Variants in EPB41L3 observed in about 807,000 individuals in gnomAD.
EPB41L3 encodes the protein erythrocyte membrane protein band 4.1 like 3.
EPB41L3 carries 57 observed loss-of-function variants against 127.1 expected under a neutral mutation model. The ratio of observed to expected loss-of-function variants is 0.45; its 90% CI spans 0.36 to 0.56. EPB41L3 has a LOEUF of 0.56. EPB41L3 is among the 20% of genes least tolerant of loss of function. The pLI is 0.00. For missense variants in EPB41L3, 1,273 were observed against 1,372.2 expected (o/e 0.93, Z 1.14); for synonymous variants, 572 against 549.5 (o/e 1.04, Z -0.57).
At chr18:5,534,443 C>T (rs897133991) in intron 1 of EPB41L3, among the ~76,000 whole-genome samples, 32 of 152,162 alleles carry the variant, frequency 2.1e-4, no homozygotes, top group Non-Finnish European at 5.9e-5. Context: ...GATCCAACTG[C>T]AGATCTATTA....
At chr18:5,479,175 T>C (rs1382689574) in intron 2 of EPB41L3, among the ~76,000 whole-genome samples, 1 of 152,194 alleles carries the variant, frequency 6.6e-6, no homozygotes, top group East Asian at 1.9e-4. Flanking sequence ...ACCAATCTCT[T>C]TGGAAATGTG....
At chr18:5,619,263 G>A (rs564568340) in intron 1 of EPB41L3, among the ~76,000 whole-genome samples, 5 of 152,286 alleles carry the variant, frequency 3.3e-5, no homozygotes. Context: ...TGAACACAGT[G>A]CAACTTGTTC....
At chr18:5,550,168 G>A (rs1719964) in intron 3 of EPB41L3, among the ~76,000 whole-genome samples, 35,787 of 151,988 alleles carry the variant, frequency 0.24, 5,775 homozygotes, top group African/African-American at 0.46. Flanking sequence ...ACTAATTGCC[G>A]GCAGTTTTAG....
chr18:5,483,157 G>A (rs1018229171), intron 2 of EPB41L3, among the ~76,000 whole-genome samples: 1 of 152,062 alleles, frequency 6.6e-6, no homozygotes, highest in African/African-American at 2.4e-5. Flanking sequence ...TGGGGATGGA[G>A]TTAAAGTATA....
chr18:5,606,538 C>T (rs760567868), intron 3 of EPB41L3, among the ~76,000 whole-genome samples: 6 of 152,078 alleles, frequency 3.9e-5, no homozygotes, highest in Non-Finnish European at 4.4e-5. Flanking sequence ...ACCCTTTATT[C>T]GTATGACTTA....
chr18:5,590,011 G>A (rs1462399505), intron 3 of EPB41L3, among the ~76,000 whole-genome samples: 1 of 152,170 alleles, frequency 6.6e-6, no homozygotes, highest in Non-Finnish European at 1.5e-5. Flanking sequence ...GAATTGGAGT[G>A]AAAATTAAAA....
intron 1 of EPB41L3, among the ~76,000 whole-genome samples, chr18:5,512,406 CTTTG>C: frequency 6.6e-6 from 1 of 151,954 alleles, no homozygotes. Context: ...GAAAGAGTGT[CTTTG>C]TTTGGGTGGG....
At chr18:5,495,600 T>C (rs2091090024) in intron 1 of EPB41L3, among the ~76,000 whole-genome samples, 2 of 144,204 alleles carry the variant, frequency 1.4e-5, no homozygotes, top group Non-Finnish European at 3.0e-5. Flanking sequence ...AACACTTGTC[T>C]GATTAAAAAA....
intron 3 of EPB41L3, among the ~76,000 whole-genome samples, chr18:5,590,999 C>T (rs1473613815): frequency 6.6e-6 from 1 of 151,956 alleles, no homozygotes; most frequent in Non-Finnish European, 1.5e-5. Context: ...GGTGATCTCA[C>T]AAATCTGTAC....
rs147160783 is a variant in EPB41L3, at chr18:5,628,421, T to C, written c.-468+501A>G. ...GTCTGTAACTAACACCAGGTGCCTG[T>C]GAGAGAGCCCCAAGGGCGGGGGCAG... On this transcript the variant is annotated intron_variant, in intron 1 of 21. Transcript: ENST00000545076. Among the ~76,000 whole-genome samples, 744 of 152,234 alleles carry C rather than the reference T, an allele frequency of 4.9e-3. 7 individuals are homozygous for C. The highest frequency in any genetic ancestry group is 0.017 in the African/African-American group (688 of 41,568).
chr18:5,446,214 C>G (rs2081454425), intron 3 of EPB41L3, among the ~76,000 whole-genome samples: 1 of 152,042 alleles, frequency 6.6e-6, no homozygotes, highest in African/African-American at 2.4e-5. Context: ...TTTTTTAGAG[C>G]AAATCCTTAT....
intron 16 of EPB41L3, among the ~76,000 whole-genome samples, chr18:5,406,342 CCTGGTGTA>C (rs2143856327): frequency 6.6e-6 from 1 of 152,220 alleles, no homozygotes; most frequent in African/African-American, 2.4e-5. Flanking sequence ...TCAATAAAAG[CCTGGTGTA>C]ATATCTCAGA....
At chr18:5,566,496 T>C (rs937533880) in intron 3 of EPB41L3, among the ~76,000 whole-genome samples, 2 of 152,128 alleles carry the variant, frequency 1.3e-5, no homozygotes, top group African/African-American at 4.8e-5. Flanking sequence ...TCCATGGTCA[T>C]GAGTAGGAAG....
rs752012770 is a variant in EPB41L3, at chr18:5,396,495, C to CA, written c.2842-164_2842-163insT. Among the ~76,000 whole-genome samples the CA allele has an allele frequency of 5.6e-3, 846 of 152,232 alleles. 4 individuals carry two copies. The highest frequency in any genetic ancestry group is 0.029 in the South Asian group (138 of 4,818). On this transcript the variant is annotated intron_variant, in intron 18 of 22. Transcript: ENST00000341928. ...AGGCATACAACATGCACATGTCAGTCTCCTGGACTCTCATAGCACTTTTAT... is the reference window on the plus strand; with the variant it reads ...AGGCATACAACATGCACATGTCAGTCATCCTGGACTCTCATAGCACTTTTAT...
chr18:5,603,877 T>G (rs915347683), intron 3 of EPB41L3, among the ~76,000 whole-genome samples: 1 of 151,732 alleles, frequency 6.6e-6, no homozygotes, highest in Non-Finnish European at 1.5e-5. Context: ...AAATTAAAAT[T>G]TAAAAAAAAA....
intron 1 of EPB41L3, among the ~76,000 whole-genome samples, chr18:5,511,107 T>C (rs978910724): frequency 6.6e-6 from 1 of 151,980 alleles, no homozygotes; most frequent in Non-Finnish European, 1.5e-5. Flanking sequence ...ACAAAGTCAT[T>C]TGTTTGACCT....
intron 3 of EPB41L3, among the ~76,000 whole-genome samples, chr18:5,573,030 T>C (rs1342274047): frequency 1.3e-5 from 2 of 152,174 alleles, no homozygotes; most frequent in Non-Finnish European, 2.9e-5. Context: ...AAATAAAGGA[T>C]GTCTCACTCT....
chr18:5,579,180 C>A (rs941627145), intron 3 of EPB41L3, among the ~76,000 whole-genome samples: 5 of 152,090 alleles, frequency 3.3e-5, no homozygotes, highest in Admixed American at 6.5e-5. Flanking sequence ...AAAACTTAAA[C>A]ACAATTAAAA....
chr18:5,510,435 A>T (rs568803777), intron 1 of EPB41L3, among the ~76,000 whole-genome samples: 1 of 152,326 alleles, frequency 6.6e-6, no homozygotes, highest in South Asian at 2.1e-4. Flanking sequence ...CTCAGCTGAG[A>T]TAAAAAAACA....
Sources: allele counts gnomAD v4.1 joint callset (sites outside exome capture counted in the v4.1 genomes callset), GRCh38; gene constraint gnomAD v4.1.1; transcripts MANE v1.5; gene names NCBI Gene and HGNC (gene_info 2026-07-23, HGNC 2026-07-21).